The following LDB2 variants were observed in gnomAD, a reference collection of about 807,000 sequenced individuals.
LDB2 encodes the protein LIM domain binding 2.
In LDB2, 12 loss-of-function variants were observed where a neutral mutation model predicts 44.3. The ratio of observed to expected loss-of-function variants is 0.27; its 90% CI spans 0.17 to 0.44. LDB2 has a LOEUF of 0.44. Among genes scored for constraint, LDB2 ranks in the 20% least tolerant of loss-of-function variants. The pLI is 1.00. For synonymous variants in LDB2, 164 were observed against 174.8 expected (o/e 0.94, Z 0.49); for missense variants, 344 against 473.5 (o/e 0.73, Z 2.54).
rs1232618148 is a variant in LDB2 at position 16,825,582 on chromosome 4, G to A, written c.133-66322C>T. 2.6e-4 allele frequency among the ~76,000 whole-genome samples: 40 copies of A among 152,110 alleles called. 1 individual carries two copies. Among genetic ancestry groups the A allele is most frequent in the Admixed American group, 2.4e-3 (36 of 15,276 alleles). On this transcript the variant is annotated intron_variant, in intron 1 of 7. Transcript: ENST00000304523. ...GGAGATGGAGGGAACCACAATCATT[G>A]CATGTAAGTGAGGCCACTCTTTTTT...
At chr4:16,673,527 C>T (rs1410180557) in intron 2 of LDB2, among the ~76,000 whole-genome samples, 1 of 152,122 alleles carries the variant, frequency 6.6e-6, no homozygotes. Flanking sequence ...AACACATTTT[C>T]GCTAGCTCTG....
intron 2 of LDB2, among the ~76,000 whole-genome samples, chr4:16,640,134 G>A (rs1347429224): frequency 6.6e-6 from 1 of 152,226 alleles, no homozygotes; most frequent in Non-Finnish European, 1.5e-5. Context: ...AGTTATGTCA[G>A]TTGGAATGCA....
chr4:16,610,856 T>C (rs1252088301), intron 2 of LDB2, among the ~76,000 whole-genome samples: 4 of 151,984 alleles, frequency 2.6e-5, no homozygotes, highest in African/African-American at 9.7e-5. Flanking sequence ...ATTCAGGAAA[T>C]ACAGAGAACG....
intron 2 of LDB2, chr4:16,674,358 G>T: frequency 2.0e-6 from 2 of 988,280 alleles, no homozygotes; most frequent in South Asian, 1.3e-5. Flanking sequence ...GAGATGCAAA[G>T]ATAAGAGCAG....
intron 2 of LDB2, chr4:16,653,615 G>A (rs1240865098): frequency 6.6e-6 from 1 of 152,198 alleles, no homozygotes; most frequent in Non-Finnish European, 1.5e-5. Flanking sequence ...AGTAGTTCAG[G>A]AACAGAAAAG....
intron 2 of LDB2, among the ~76,000 whole-genome samples, chr4:16,711,118 A>G (rs1396052754): frequency 1.3e-5 from 2 of 152,274 alleles, no homozygotes; most frequent in Non-Finnish European, 2.9e-5. Flanking sequence ...ATGGATAATC[A>G]TGTAAACCTA....
intron 6 of LDB2, among the ~76,000 whole-genome samples, chr4:16,511,778 G>A (rs1721847958): frequency 6.6e-6 from 1 of 152,216 alleles, no homozygotes; most frequent in Non-Finnish European, 1.5e-5. Context: ...AATCTGGTAA[G>A]TGAGGAGACT....
intron 1 of LDB2, among the ~76,000 whole-genome samples, chr4:16,759,723 A>G (rs184503450): frequency 2.4e-3 from 359 of 152,346 alleles, no homozygotes; most frequent in Non-Finnish European, 4.6e-3. Context: ...TAGCTCTACT[A>G]TACACAAATA....
intron 5 of LDB2, among the ~76,000 whole-genome samples, chr4:16,564,450 C>G (rs1342930210): frequency 6.6e-6 from 1 of 152,204 alleles, no homozygotes; most frequent in Non-Finnish European, 1.5e-5. Flanking sequence ...CTGAAATATT[C>G]TTCCTGTCCG....
At position 16,595,949 on chromosome 4, in the gene LDB2, C is replaced by T. The variant is rs537744032; in HGVS notation, c.236-74G>A. ...AGCCCCACACACCCAACACCATTGC[C>T]AAACCTCCTAAAACCGGATACTGAT... On this transcript the variant is annotated intron_variant, in intron 2 of 7. Coordinates refer to ENST00000304523, the MANE Select transcript of LDB2 (RefSeq NM_001290.5). The T allele has an allele frequency of 2.1e-6, 3 of 1,431,014 alleles. No homozygotes were observed. The East Asian group carries it at 7.1e-5, about 34-fold the overall frequency. The allele number at this position is 1,431,014 out of a possible 1,614,324, so 88.6% of individuals were successfully genotyped here. A position where few individuals can be genotyped will look rare whatever the true frequency, so the allele number is the denominator to read the frequency against.
At chr4:16,526,020 C>T (rs1033065809) in intron 5 of LDB2, among the ~76,000 whole-genome samples, 2 of 152,164 alleles carry the variant, frequency 1.3e-5, no homozygotes, top group African/African-American at 4.8e-5. Flanking sequence ...GACAAGGGTA[C>T]TGTTATCGTT....
intron 2 of LDB2, among the ~76,000 whole-genome samples, chr4:16,616,592 G>T (rs1161437777): frequency 6.6e-6 from 1 of 152,100 alleles, no homozygotes; most frequent in Non-Finnish European, 1.5e-5. Context: ...TGAGTGAATT[G>T]TAGGTTGGGG....
At chr4:16,575,378 T>G (rs1747926137) in intron 5 of LDB2, among the ~76,000 whole-genome samples, 1 of 152,198 alleles carries the variant, frequency 6.6e-6, no homozygotes, top group Non-Finnish European at 1.5e-5. Flanking sequence ...CACCCCACTT[T>G]CAGCATTGGA....
intron 5 of LDB2, among the ~76,000 whole-genome samples, chr4:16,528,191 A>C (rs934744404): frequency 1.3e-5 from 2 of 152,082 alleles, no homozygotes; most frequent in African/African-American, 4.8e-5. Flanking sequence ...GATACAATGG[A>C]CTTTGGGGAC....
At chr4:16,747,918 T>C (rs1579298237) in intron 2 of LDB2, among the ~76,000 whole-genome samples, 1 of 152,300 alleles carries the variant, frequency 6.6e-6, no homozygotes, top group East Asian at 1.9e-4. Flanking sequence ...CATCCTGACA[T>C]AGCAAATGAT....
chr4:16,815,449 G>A (rs551511822), intron 1 of LDB2, among the ~76,000 whole-genome samples: 210 of 152,330 alleles, frequency 1.4e-3, no homozygotes, highest in Non-Finnish European at 2.4e-3. Flanking sequence ...TGAAGCTAGA[G>A]TAAATCCAAG....
chr4:16,770,977 T>C (rs531010591), intron 1 of LDB2, among the ~76,000 whole-genome samples: 2 of 152,270 alleles, frequency 1.3e-5, no homozygotes, highest in Admixed American at 6.5e-5. Flanking sequence ...CAGCAAGTCG[T>C]ATATCTTGAG....
Position 16,551,621 on chromosome 4 carries a change from A to C in LDB2, c.615+34301T>G, listed in dbSNP as rs113924143. On this transcript the variant is annotated intron_variant, in intron 5 of 7. Transcript: ENST00000304523. ...CAACCTCCACCTTCTGGGTTCAAAC[A>C]ATTCTCCTGCCTCAGCCTCCCAAGT... Among the ~76,000 whole-genome samples the C allele has an allele frequency of 9.7e-3, 1,471 of 152,066 alleles. 24 individuals carry two copies. The highest frequency in any genetic ancestry group is 0.034 in the African/African-American group (1,400 of 41,478).
intron 2 of LDB2, among the ~76,000 whole-genome samples, chr4:16,619,176 A>G (rs1728183542): frequency 1.3e-5 from 2 of 152,276 alleles, no homozygotes; most frequent in African/African-American, 4.8e-5. Flanking sequence ...GGATCCTTAG[A>G]AAACAAAAAC....
Sources: gnomAD v4.1 joint callset for allele counts (sites outside exome capture counted in the v4.1 genomes callset) on GRCh38, gnomAD v4.1.1 for gene constraint, MANE v1.5 for transcripts, NCBI Gene and HGNC (gene_info 2026-07-23, HGNC 2026-07-21) for gene names.